Variants in PTPRD observed in about 807,000 individuals in gnomAD.
PTPRD encodes the protein protein tyrosine phosphatase receptor type D.
Under a neutral mutation model 214.5 loss-of-function variants are expected in PTPRD, and 34 were observed. The ratio of observed to expected loss-of-function variants is 0.16; its 90% confidence interval spans 0.12 to 0.21. The LOEUF (loss-of-function observed/expected upper bound fraction) is 0.21. Ranked by LOEUF, PTPRD falls within the 10% of genes least tolerant of loss-of-function variation. The pLI is 1.00. For synonymous variants in PTPRD, 1,128 were observed against 845.7 expected (o/e 1.33, Z -5.79); for missense variants, 2,545 against 2,398.7 (o/e 1.06, Z -1.27).
intron 9 of PTPRD, among the ~76,000 whole-genome samples, chr9:9,223,516 A>C (rs1046683289): frequency 6.6e-6 from 1 of 152,022 alleles, no homozygotes; most frequent in African/African-American, 2.4e-5. Flanking sequence ...CAATTTTACC[A>C]TTGTAAAATA....
intron 10 of PTPRD, among the ~76,000 whole-genome samples, chr9:9,108,562 TCTTGG>T (rs1290227017): frequency 6.6e-6 from 1 of 152,188 alleles, no homozygotes; most frequent in East Asian, 1.9e-4. Context: ...GCTGCTTTTA[TCTTGG>T]GCTTATGCCA....
At chr9:10,385,385 G>A (rs781213265) in intron 2 of PTPRD, among the ~76,000 whole-genome samples, 9 of 151,680 alleles carry the variant, frequency 5.9e-5, no homozygotes, top group Non-Finnish European at 1.3e-4. Context: ...CTTCACAGTG[G>A]AGGGTTCCAA....
chr9:10,573,094 C>T (rs978086029), intron 2 of PTPRD, among the ~76,000 whole-genome samples: 1 of 152,104 alleles, frequency 6.6e-6, no homozygotes, highest in Admixed American at 6.6e-5. Context: ...AGATACCTTA[C>T]TTGTGAGTAT....
intron 12 of PTPRD, among the ~76,000 whole-genome samples, chr9:8,731,093 G>A (rs1361157185): frequency 6.6e-6 from 1 of 152,138 alleles, no homozygotes; most frequent in Admixed American, 6.5e-5. Flanking sequence ...TTGAACCAAG[G>A]CTTATAAGAG....
intron 10 of PTPRD, among the ~76,000 whole-genome samples, chr9:9,044,584 C>A (rs1237782652): frequency 6.6e-6 from 1 of 152,142 alleles, no homozygotes; most frequent in Non-Finnish European, 1.5e-5. Flanking sequence ...GGCTGTCTAA[C>A]TAAATAACAA....
chr9:9,903,621 A>G (rs1215848831), intron 5 of PTPRD, among the ~76,000 whole-genome samples: 1 of 152,130 alleles, frequency 6.6e-6, no homozygotes, highest in Non-Finnish European at 1.5e-5. Flanking sequence ...GCATTAAATA[A>G]TACAAGAAAA....
chr9:9,475,355 C>T (rs577046462), intron 8 of PTPRD, among the ~76,000 whole-genome samples: 11 of 152,180 alleles, frequency 7.2e-5, no homozygotes, highest in Admixed American at 2.6e-4. Context: ...TGTATAGCCT[C>T]ACTCTTTTTA....
At chr9:9,525,391 C>A (rs998778039) in intron 8 of PTPRD, among the ~76,000 whole-genome samples, 4 of 152,044 alleles carry the variant, frequency 2.6e-5, no homozygotes, top group Non-Finnish European at 5.9e-5. Flanking sequence ...CTTCAGTATA[C>A]TGCAATCGAT....
At chr9:8,751,410 A>AAAAAAG (rs780641099) in intron 11 of PTPRD, among the ~76,000 whole-genome samples, 4 of 105,952 alleles carry the variant, frequency 3.8e-5, no homozygotes, top group African/African-American at 8.9e-5. Context: ...CTTAAAAAAA[A>AAAAAAG]AAAAGAAAAG....
chr9:10,326,701 C>T (rs2154431587), intron 3 of PTPRD, among the ~76,000 whole-genome samples: 1 of 151,632 alleles, frequency 6.6e-6, no homozygotes, highest in African/African-American at 2.4e-5. Context: ...ATAAAACCTA[C>T]TCTCAGAAAA....
At chr9:9,605,399 G>A (rs1042817596) in intron 7 of PTPRD, among the ~76,000 whole-genome samples, 3 of 151,998 alleles carry the variant, frequency 2.0e-5, no homozygotes, top group Non-Finnish European at 4.4e-5. Context: ...GAAGAAATAA[G>A]TAGGGAAAAG....
chr9:9,638,585 C>T (rs1206556772), intron 7 of PTPRD, among the ~76,000 whole-genome samples: 1 of 152,176 alleles, frequency 6.6e-6, no homozygotes, highest in Non-Finnish European at 1.5e-5. Context: ...CACCCTAATG[C>T]TCCATTCATA....
intron 5 of PTPRD, among the ~76,000 whole-genome samples, chr9:9,921,463 A>G (rs2082515761): frequency 6.6e-6 from 1 of 151,924 alleles, no homozygotes; most frequent in Non-Finnish European, 1.5e-5. Flanking sequence ...CACACATATA[A>G]TTAATTCTAG....
At chr9:10,160,196 A>G (rs557507741) in intron 3 of PTPRD, among the ~76,000 whole-genome samples, 25 of 152,222 alleles carry the variant, frequency 1.6e-4, no homozygotes, top group Non-Finnish European at 2.9e-4. Context: ...AGCTCTACTT[A>G]TATCAGAATA....
intron 9 of PTPRD, among the ~76,000 whole-genome samples, chr9:9,348,584 T>C (rs1287594191): frequency 6.6e-6 from 1 of 152,120 alleles, no homozygotes; most frequent in East Asian, 1.9e-4. Flanking sequence ...ACATGTTTTC[T>C]TCCCTTCAGA....
chr9:8,866,727 G>A (rs954162726), intron 11 of PTPRD, among the ~76,000 whole-genome samples: 2 of 152,044 alleles, frequency 1.3e-5, no homozygotes, highest in Non-Finnish European at 2.9e-5. Flanking sequence ...GTTTTCTTAT[G>A]ATCACCTACA....
intron 34 of PTPRD, among the ~76,000 whole-genome samples, chr9:8,443,070 G>A (rs1282341850): frequency 6.6e-6 from 1 of 152,134 alleles, no homozygotes; most frequent in Non-Finnish European, 1.5e-5. Context: ...ACTTAAGCGT[G>A]GAATGTTGAG....
intron 7 of PTPRD, among the ~76,000 whole-genome samples, chr9:9,657,849 T>C (rs1414374231): frequency 6.6e-6 from 1 of 152,062 alleles, no homozygotes; most frequent in African/African-American, 2.4e-5. Flanking sequence ...GGACAAAACC[T>C]CCATAAGTAC....
At chr9:9,763,327 T>A (rs1040222273) in intron 6 of PTPRD, among the ~76,000 whole-genome samples, 4 of 152,156 alleles carry the variant, frequency 2.6e-5, no homozygotes, top group African/African-American at 9.7e-5. Flanking sequence ...CTGAACCCTG[T>A]CCCCTAACAA....
Sources: gnomAD v4.1 joint callset for allele counts (sites outside exome capture counted in the v4.1 genomes callset) on GRCh38, gnomAD v4.1.1 for gene constraint, MANE v1.5 for transcripts, NCBI Gene and HGNC (gene_info 2026-07-23, HGNC 2026-07-21) for gene names.